CADM2: variants seen among roughly 807,000 people sequenced by gnomAD.
CADM2 encodes the protein immunoglobulin superfamily member 4D.
Under a neutral mutation model 49.8 loss-of-function variants are expected in CADM2, and 12 were observed. That is an observed-to-expected ratio of 0.24 (90% confidence interval 0.15 to 0.39). The LOEUF (loss-of-function observed/expected upper bound fraction) is 0.39, where lower values mean the gene tolerates loss of function less well. Ranked by LOEUF, CADM2 falls within the 10% of genes least tolerant of loss-of-function variation. The pLI, the probability that CADM2 is intolerant of heterozygous loss-of-function variation, is 1.00. For missense variants in CADM2, 378 were observed against 492.3 expected (o/e 0.77, Z 2.20); for synonymous variants, 214 against 175.4 (o/e 1.22, Z -1.74).
intron 1 of CADM2, among the ~76,000 whole-genome samples, chr3:85,293,091 A>C (rs962745260): frequency 2.0e-5 from 3 of 152,206 alleles, no homozygotes; most frequent in African/African-American, 7.2e-5. Context: ...CATAATAAAA[A>C]ATGATAAAGG....
chr3:85,829,324 T>C (rs1393861735), intron 3 of CADM2, among the ~76,000 whole-genome samples: 1 of 151,876 alleles, frequency 6.6e-6, no homozygotes, highest in African/African-American at 2.4e-5. Context: ...TAATTTTACC[T>C]ATTTATGTAC....
chr3:85,766,899 C>T (rs1422889975), intron 2 of CADM2, among the ~76,000 whole-genome samples: 2 of 152,136 alleles, frequency 1.3e-5, no homozygotes, highest in Non-Finnish European at 2.9e-5. Flanking sequence ...ATCTACTTCA[C>T]ATTAACTCTT....
At chr3:85,870,874 A>G (rs1312773544) in intron 3 of CADM2, among the ~76,000 whole-genome samples, 1 of 152,126 alleles carries the variant, frequency 6.6e-6, no homozygotes, top group Non-Finnish European at 1.5e-5. Context: ...TTCTTATACC[A>G]TATACAAAAA....
At chr3:85,146,032 A>T (rs1459022292) in intron 1 of CADM2, among the ~76,000 whole-genome samples, 1 of 152,168 alleles carries the variant, frequency 6.6e-6, no homozygotes, top group East Asian at 1.9e-4. Flanking sequence ...TAGTAGCTGT[A>T]TGACTTTAAG....
chr3:85,864,416 A>G (rs1055771203), intron 3 of CADM2, among the ~76,000 whole-genome samples: 2 of 152,174 alleles, frequency 1.3e-5, no homozygotes, highest in African/African-American at 2.4e-5. Context: ...TTCCCTTCTT[A>G]AGTATTTCTT....
intron 3 of CADM2, among the ~76,000 whole-genome samples, chr3:85,805,811 G>A (rs529938888): frequency 6.6e-6 from 1 of 152,150 alleles, no homozygotes; most frequent in Non-Finnish European, 1.5e-5. Context: ...GCACATGAGA[G>A]CAAGAGAGAA....
At chr3:85,288,974 T>C (rs1467604005) in intron 1 of CADM2, among the ~76,000 whole-genome samples, 1 of 152,166 alleles carries the variant, frequency 6.6e-6, no homozygotes, top group Non-Finnish European at 1.5e-5. Flanking sequence ...GATGGAAACA[T>C]TAGGTTTGGT....
intron 1 of CADM2, among the ~76,000 whole-genome samples, chr3:85,650,713 G>A (rs2065019715): frequency 6.6e-6 from 1 of 151,756 alleles, no homozygotes; most frequent in African/African-American, 2.4e-5. Context: ...AGGTGATTAT[G>A]TTGAACACTC....
intron 1 of CADM2, among the ~76,000 whole-genome samples, chr3:85,595,093 G>A (rs185682426): frequency 1.1e-4 from 17 of 152,016 alleles, no homozygotes; most frequent in African/African-American, 3.4e-4. Context: ...CCCTTTTTGC[G>A]TGCATTTATT....
intron 1 of CADM2, among the ~76,000 whole-genome samples, chr3:85,158,454 A>G (rs986197931): frequency 2.0e-5 from 3 of 152,332 alleles, no homozygotes; most frequent in South Asian, 2.1e-4. Context: ...ATGTCCAACA[A>G]TGATAGACTG....
chr3:85,829,964 C>T (rs1236602859), intron 3 of CADM2, among the ~76,000 whole-genome samples: 1 of 151,950 alleles, frequency 6.6e-6, no homozygotes, highest in Non-Finnish European at 1.5e-5. Context: ...GTGAATAATT[C>T]TGCAATGAAC....
intron 1 of CADM2, among the ~76,000 whole-genome samples, chr3:85,187,257 T>TA (rs1489593018): frequency 3.3e-5 from 5 of 152,184 alleles, no homozygotes; most frequent in Non-Finnish European, 5.9e-5. Flanking sequence ...CTATCATGTC[T>TA]ATATTCTTTT....
intron 3 of CADM2, among the ~76,000 whole-genome samples, chr3:85,805,037 C>T (rs574554351): frequency 1.3e-5 from 2 of 152,180 alleles, no homozygotes; most frequent in African/African-American, 4.8e-5. Flanking sequence ...GCTTCCTCGG[C>T]TCCAGCAATT....
At chr3:85,347,954 C>CCG (rs2030926234) in intron 1 of CADM2, among the ~76,000 whole-genome samples, 1 of 151,912 alleles carries the variant, frequency 6.6e-6, no homozygotes, top group South Asian at 2.1e-4. Context: ...ACTACAGGCG[C>CCG]CCACCACTGC....
intron 3 of CADM2, among the ~76,000 whole-genome samples, chr3:85,842,683 G>A (rs755926567): frequency 6.6e-6 from 1 of 152,056 alleles, no homozygotes; most frequent in Admixed American, 6.6e-5. Flanking sequence ...TAGGATTGAG[G>A]ATAAAGAGAG....
chr3:85,535,931 G>GT (rs1316369683), intron 1 of CADM2, among the ~76,000 whole-genome samples: 1 of 152,110 alleles, frequency 6.6e-6, no homozygotes, highest in African/African-American at 2.4e-5. Context: ...CTGTAGACTT[G>GT]TGTCTGCATA....
intron 1 of CADM2, among the ~76,000 whole-genome samples, chr3:85,161,899 C>G (rs1439967931): frequency 6.6e-6 from 1 of 152,022 alleles, no homozygotes; most frequent in Non-Finnish European, 1.5e-5. Context: ...CGCCTATAAT[C>G]CCACCTACTC....
chr3:85,654,407 G>A (rs1413188425), intron 1 of CADM2, among the ~76,000 whole-genome samples: 2 of 152,150 alleles, frequency 1.3e-5, no homozygotes, highest in Non-Finnish European at 2.9e-5. Context: ...GTTCATTTAT[G>A]CCACCATTTT....
intron 1 of CADM2, among the ~76,000 whole-genome samples, chr3:85,665,380 C>A (rs1222978668): frequency 6.6e-6 from 1 of 151,834 alleles, no homozygotes; most frequent in Non-Finnish European, 1.5e-5. Flanking sequence ...GACTTAGAAT[C>A]ATAATTGGCC....
Sources: allele counts gnomAD v4.1 joint callset (sites outside exome capture counted in the v4.1 genomes callset), GRCh38; gene constraint gnomAD v4.1.1; transcripts MANE v1.5; gene names NCBI Gene and HGNC (gene_info 2026-07-23, HGNC 2026-07-21).